Variants in FAM234B observed in about 807,000 individuals in gnomAD.
The protein encoded by FAM234B is family with sequence similarity 234 member B, also known as protein FAM234B.
In FAM234B, 33 loss-of-function variants were observed where a neutral mutation model predicts 69.3. The observed-to-expected ratio is 0.48, with a 90% CI of 0.36 to 0.64. The LOEUF is 0.64. FAM234B is among the 30% of genes least tolerant of loss of function. The pLI is 0.00. For missense variants in FAM234B, 697 were observed against 769.7 expected, an observed-to-expected ratio of 0.91 and a Z score of 1.12; for synonymous variants, 306 against 306.9, an observed-to-expected ratio of 1.00 and a Z score of 0.03.
rs1445096269 is a variant in FAM234B at position 13,044,502 on chromosome 12, G to C, written c.37+62G>C. ...CCGGTGTTGGAATAAGGGGAGGCGA[G>C]GCTCTGGGGGCGAGGCCGGTCGGGC... On this transcript the variant is annotated intron_variant, in intron 1 of 12. Coordinates refer to ENST00000197268, the MANE Select transcript of FAM234B (RefSeq NM_020853.2). The surrounding 1 kb of genome is among the most constrained non-coding windows in gnomAD (Gnocchi z 5.6). The C allele has an allele frequency of 6.5e-7, 1 of 1,527,850 alleles. No homozygotes were observed. The highest frequency in any genetic ancestry group is 2.5e-5 in the East Asian group (1 of 40,738). The allele number at this position is 1,527,850 out of a possible 1,614,324, so 94.6% of individuals were successfully genotyped here.
At position 13,075,978 on chromosome 12, in the gene FAM234B, G is replaced by T. The variant is rs1865154810; in HGVS notation, c.1525-48G>T. 2.3e-6 allele frequency: 3 copies of T among 1,329,730 alleles called. No individual in the cohort carries two copies. In the South Asian group the frequency reaches 3.5e-5, roughly 16 times the overall value. The allele number at this position is 1,329,730 out of a possible 1,614,324, so 82.4% of individuals were successfully genotyped here. On this transcript the variant is annotated intron_variant, in intron 10 of 12. Coordinates refer to ENST00000197268, the MANE Select transcript of FAM234B (RefSeq NM_020853.2). ...TTTTCACCTGAGGACTGTCACGTGTGGGAATGTAGCGTTACCTTTGCTCTT... is the reference window on the plus strand; with the variant it reads ...TTTTCACCTGAGGACTGTCACGTGTTGGAATGTAGCGTTACCTTTGCTCTT...
rs1414982914 is a variant in FAM234B, at chr12:13,058,562, T to A, written c.532+13T>A. ...GGGAGTGCAGTAGGTAAGAGACGTG[T>A]TTTTTTCAAGGCTGCTACAGGGGCA... On this transcript the variant is annotated intron_variant, in intron 3 of 12. Coordinates refer to ENST00000197268, the MANE Select transcript of FAM234B (RefSeq NM_020853.2). 1 of 1,096,088 alleles carries A rather than the reference T, an allele frequency of 9.1e-7. No homozygotes were observed. Among genetic ancestry groups the A allele is most frequent in the East Asian group, 8.6e-5 (1 of 11,574 alleles). 67.9% of individuals were successfully genotyped at this position (1,096,088 alleles called of 1,614,324 possible).
chr12:13,056,387 G>T (rs7962392), intron 2 of FAM234B, among the ~76,000 whole-genome samples: 36,049 of 152,090 alleles, frequency 0.24, 5,193 homozygotes, highest in East Asian at 0.53. Context: ...TTCATTTCCT[G>T]TAAAAGATAG....
At chr12:13,068,240 A>G in intron 7 of FAM234B, 64 bp from the exon 8 acceptor site, 1 of 1,592,378 alleles carries the variant, frequency 6.3e-7, no homozygotes, top group Non-Finnish European at 8.6e-7. Flanking sequence ...GAAAAAGCCA[A>G]AGTAAATGGC....
chr12:13,075,827 A>T (rs874041), intron 10 of FAM234B, among the ~76,000 whole-genome samples, 199 bp from the exon 11 acceptor site: 78,225 of 151,502 alleles, frequency 0.52, 21,104 homozygotes, highest in African/African-American at 0.66. Flanking sequence ...AGAGTTAGTG[A>T]TTACTATTTT....
chr12:13,055,531 C>T lies in FAM234B; in HGVS notation c.38-20C>T. 6.4e-7 allele frequency: 1 copy of T among 1,567,150 alleles called. No homozygotes were observed. The highest frequency in any genetic ancestry group is 8.7e-7 in the Non-Finnish European group (1 of 1,150,276). On this transcript the variant is annotated intron_variant, in intron 1 of 12. Coordinates refer to ENST00000197268, the MANE Select transcript of FAM234B (RefSeq NM_020853.2). ...CTTCTCCCCAGTTCCCCTTGACTCT[C>T]TGTTTTTCTGTATTTTCAGGGAAGA...
intron 1 of FAM234B, among the ~76,000 whole-genome samples, chr12:13,051,768 G>A (rs937943604): frequency 2.0e-5 from 3 of 152,182 alleles, no homozygotes; most frequent in African/African-American, 4.8e-5. Flanking sequence ...AGAGGTGGAG[G>A]TGTTTAAGTT....
At chr12:13,046,529 C>T (rs548137031) in intron 1 of FAM234B, among the ~76,000 whole-genome samples, 5 of 151,312 alleles carry the variant, frequency 3.3e-5, no homozygotes, top group Admixed American at 2.0e-4. Flanking sequence ...TGTGTGATCT[C>T]GGCTCACCGC....
chr12:13,044,444 AGGAGTCGCAT>A lies in FAM234B; in HGVS notation c.37+6_37+15del. 1 of 1,551,238 alleles carries A rather than the reference AGGAGTCGCAT, an allele frequency of 6.4e-7. No homozygotes were observed. Among genetic ancestry groups the A allele is most frequent in the Non-Finnish European group, 8.7e-7 (1 of 1,146,928 alleles). Reference sequence around the variant, plus strand: ...TCCAGGGCGCTCAAGCTGCCGGGTAAGGAGTCGCATGCTTGCGACCACCCAGTCCCCGCCG... The same window carrying A: ...TCCAGGGCGCTCAAGCTGCCGGGTAAGCTTGCGACCACCCAGTCCCCGCCG... On this transcript the variant is annotated splice_donor_5th_base_variant and intron_variant, in intron 1 of 12. Coordinates refer to ENST00000197268, the MANE Select transcript of FAM234B (RefSeq NM_020853.2). The surrounding 1 kb of genome is among the most constrained non-coding windows in gnomAD (Gnocchi z 5.6).
At chr12:13,079,175 T>C (rs1039603048) in intron 11 of FAM234B, among the ~76,000 whole-genome samples, 82 of 152,214 alleles carry the variant, frequency 5.4e-4, no homozygotes, top group Non-Finnish European at 6.0e-4. Flanking sequence ...CAGCATGGTA[T>C]TGGTACCAAA....
intron 9 of FAM234B, 144 bp downstream of exon 9, chr12:13,068,855 A>G (rs1051168343): frequency 5.4e-6 from 3 of 555,164 alleles, no homozygotes; most frequent in African/African-American, 1.9e-5. Flanking sequence ...TTGAGTGGAT[A>G]AAATGAAAAC....
At position 13,044,451 on chromosome 12, in the gene FAM234B, G is replaced by T. The variant is rs1266155288; in HGVS notation, c.37+11G>T. The T allele has an allele frequency of 2.6e-6, 4 of 1,550,844 alleles. No homozygotes were observed. Among genetic ancestry groups the T allele is most frequent in the Admixed American group, 2.0e-5 (1 of 51,090 alleles). ...CGCTCAAGCTGCCGGGTAAGGAGTC[G>T]CATGCTTGCGACCACCCAGTCCCCG... is the stretch of plus-strand genomic sequence containing the variant. On this transcript the variant is annotated intron_variant, in intron 1 of 12. Transcript: ENST00000197268. The surrounding 1 kb of genome is among the most constrained non-coding windows in gnomAD (Gnocchi z 5.6).
At position 13,062,863 on chromosome 12, in the gene FAM234B, T is replaced by G. The variant is rs1365827931; in HGVS notation, c.740T>G (p.Leu247Ter). 6.2e-7 allele frequency: 1 copy of G among 1,614,056 alleles called. No homozygotes were observed. The highest frequency in any genetic ancestry group is 8.5e-7 in the Non-Finnish European group (1 of 1,179,926). Residue 247 changes from leucine (L) to a stop codon, truncating the protein, a stop_gained, in exon 5 of 13, where the codon TTA becomes TGA. Transcript: ENST00000197268. LOFTEE classifies it high-confidence loss of function. The stretch of plus-strand genomic sequence containing the variant: ...TCCTCAGGGAAAGCCATTTGGACTT[T>G]AAACCCAAACTACTTGTCCAACGGT... Reference protein sequence around the residue: ...NATSGKAIWTLNPNYLSNGTL... With the variant: ...NATSGKAIWT
intron 4 of FAM234B, 38 bp downstream of exon 4, chr12:13,061,801 G>A (rs760376654): frequency 1.1e-5 from 17 of 1,581,110 alleles, no homozygotes; most frequent in Admixed American, 1.7e-5. Flanking sequence ...TTGCTCCTAC[G>A]AGCCATACTT....
intron 10 of FAM234B, among the ~76,000 whole-genome samples, chr12:13,073,801 G>C (rs184958855): frequency 6.6e-6 from 1 of 152,200 alleles, no homozygotes. Context: ...TTAATCATTG[G>C]TTCTCTTCAG....
rs1165030805 is a variant in FAM234B at position 13,079,829 on chromosome 12, C to G, written c.1683C>G (p.Thr561=). 1 of 1,613,850 alleles carries G rather than the reference C, an allele frequency of 6.2e-7. No homozygotes were observed. Among genetic ancestry groups the G allele is most frequent in the Non-Finnish European group, 8.5e-7 (1 of 1,179,902 alleles). The change falls in exon 12 of 13, where the codon ACC becomes ACG. Residue 561 remains threonine (T), a synonymous_variant. Coordinates refer to ENST00000197268, the MANE Select transcript of FAM234B (RefSeq NM_020853.2). ...TCTGGAAAGATGCCTTTTATGTTAC[C>G]AGGACAACAGGGCCAAGCTCCGAAG... ...NDLWKDAFYV[T]RTTGPSSEGH... is the part of the protein sequence containing the mutation.
intron 12 of FAM234B, 46 bp from the exon 13 acceptor site, chr12:13,080,579 C>T (rs759644085): frequency 2.0e-6 from 3 of 1,531,842 alleles, no homozygotes; most frequent in Non-Finnish European, 2.7e-6. Flanking sequence ...CTTTGAACAT[C>T]TCTACCATGA....
At chr12:13,072,729 C>CAAAA (rs55734917) in intron 10 of FAM234B, among the ~76,000 whole-genome samples, 1 of 89,988 alleles carries the variant, frequency 1.1e-5, no homozygotes, top group Non-Finnish European at 2.7e-5. Context: ...GACTTTGTCT[C>CAAAA]AAAAAAAAAA....
rs143320611 is a variant in FAM234B, at chr12:13,057,930, T to A, written c.434-521T>A. Among the ~76,000 whole-genome samples the A allele has an allele frequency of 8.5e-3, 1,292 of 152,166 alleles. 16 individuals are homozygous for A. The highest frequency in any genetic ancestry group is 0.02 in the Middle Eastern group (6 of 294). Reference sequence around the variant, plus strand: ...GTACCTTGTTACATCCAGGAGAGGGTGGGAGCCAGGCTCCACATTCAGCCT... The same window carrying A: ...GTACCTTGTTACATCCAGGAGAGGGAGGGAGCCAGGCTCCACATTCAGCCT... On this transcript the variant is annotated intron_variant, in intron 2 of 12. Coordinates refer to ENST00000197268, the MANE Select transcript of FAM234B (RefSeq NM_020853.2).
Sources: allele counts gnomAD v4.1 joint callset (sites outside exome capture counted in the v4.1 genomes callset), GRCh38; gene constraint gnomAD v4.1.1; non-coding constraint Gnocchi (gnomAD v3.1); transcripts MANE v1.5; gene names NCBI Gene and HGNC (gene_info 2026-07-23, HGNC 2026-07-21).